Variants in ATE1 observed in about 807,000 individuals in gnomAD.
ATE1 encodes the protein arginyl-tRNA--protein transferase 1.
Under a neutral mutation model 70.5 loss-of-function variants are expected in ATE1, and 36 were observed. That is an observed-to-expected ratio of 0.51 (90% CI 0.39 to 0.67). The LOEUF is 0.67. Ranked by LOEUF, ATE1 falls within the 30% of genes least tolerant of loss-of-function variation. ATE1 has a pLI of 0.00. For missense variants in ATE1, 593 were observed against 629.5 expected, an observed-to-expected ratio of 0.94 and a Z score of 0.62; for synonymous variants, 232 against 219.3, an observed-to-expected ratio of 1.06 and a Z score of -0.51.
chr10:121,821,825 G>A (rs1947810689), intron 10 of ATE1, among the ~76,000 whole-genome samples: 2 of 152,182 alleles, frequency 1.3e-5, no homozygotes, highest in Non-Finnish European at 2.9e-5. Flanking sequence ...AGGATGCAGT[G>A]AGCTGAGACT....
chr10:121,776,602 C>A lies in ATE1; in HGVS notation c.1378+13567G>T, dbSNP rs146806374. ...TGTGAGTGGTCTTGGGCATGAAATT[C>A]ATGTAATGGGTTGTGACCAGCATTT... On this transcript the variant is annotated intron_variant, in intron 11 of 11. Transcript: ENST00000224652. Among the ~76,000 whole-genome samples the A allele has an allele frequency of 4.3e-3, 650 of 152,350 alleles. 6 individuals carry two copies. The highest frequency in any genetic ancestry group is 0.014 in the African/African-American group (601 of 41,572).
At chr10:121,767,121 T>C (rs1945309185) in intron 11 of ATE1, among the ~76,000 whole-genome samples, 1 of 152,146 alleles carries the variant, frequency 6.6e-6, no homozygotes, top group Non-Finnish European at 1.5e-5. Flanking sequence ...GCTGGTTCAG[T>C]ATTAAAGACC....
chr10:121,821,033 C>T (rs548466910), intron 10 of ATE1, among the ~76,000 whole-genome samples: 1 of 152,308 alleles, frequency 6.6e-6, no homozygotes, highest in South Asian at 2.1e-4. Flanking sequence ...CCTCCACCTC[C>T]CAGGTTCACG....
At chr10:121,851,797 C>T (rs1949066160) in intron 8 of ATE1, among the ~76,000 whole-genome samples, 1 of 152,182 alleles carries the variant, frequency 6.6e-6, no homozygotes, top group African/African-American at 2.4e-5. Context: ...AAGGATTTAG[C>T]TGATAACAAG....
intron 11 of ATE1, among the ~76,000 whole-genome samples, chr10:121,780,212 C>T (rs1259128243): frequency 1.3e-5 from 2 of 152,202 alleles, no homozygotes; most frequent in Non-Finnish European, 2.9e-5. Context: ...GAACTGAACT[C>T]ATCATTCTTC....
chr10:121,747,579 C>T (rs954432711), intron 11 of ATE1, among the ~76,000 whole-genome samples: 3 of 152,176 alleles, frequency 2.0e-5, no homozygotes, highest in African/African-American at 7.2e-5. Flanking sequence ...CAGTGTCTTC[C>T]TACTACTGCT....
chr10:121,804,895 G>A (rs926481756), intron 10 of ATE1, among the ~76,000 whole-genome samples: 13 of 152,190 alleles, frequency 8.5e-5, no homozygotes, highest in African/African-American at 2.9e-4. Context: ...TAGCCTCCAT[G>A]CTTACTAACT....
chr10:121,773,481 G>A (rs1248903740), intron 11 of ATE1, among the ~76,000 whole-genome samples: 1 of 152,184 alleles, frequency 6.6e-6, no homozygotes. Context: ...AGTTCTAACA[G>A]AGTTTGACAC....
chr10:121,910,221 C>G (rs1951365596), intron 5 of ATE1, among the ~76,000 whole-genome samples: 1 of 152,052 alleles, frequency 6.6e-6, no homozygotes, highest in African/African-American at 2.4e-5. Flanking sequence ...TAAAATAGTA[C>G]TAAAAATCTT....
intron 9 of ATE1, among the ~76,000 whole-genome samples, chr10:121,838,423 G>C (rs1016512215): frequency 6.6e-6 from 1 of 151,756 alleles, no homozygotes; most frequent in African/African-American, 2.4e-5. Context: ...CCCTACACCC[G>C]AGCCCAAAAG....
intron 11 of ATE1, among the ~76,000 whole-genome samples, chr10:121,755,827 A>G (rs1944776434): frequency 6.6e-6 from 1 of 152,216 alleles, no homozygotes; most frequent in Non-Finnish European, 1.5e-5. Context: ...ACACATGGGA[A>G]TTATGGGAGC....
At position 121,806,571 on chromosome 10, in the gene ATE1, A is replaced by G. The variant is rs139595840; in HGVS notation, c.1258-16282T>C. ...CAACTGGAAAATTTCAACATGAACT[A>G]TCTATTTGATGATATTACTGTAAGA... On this transcript the variant is annotated intron_variant, in intron 10 of 11. Transcript: ENST00000224652. Among the ~76,000 whole-genome samples the G allele has an allele frequency of 9.8e-5, 15 of 152,340 alleles. No homozygotes were observed. The East Asian group carries it at 2.3e-3, about 23-fold the overall frequency.
chr10:121,919,175 A>T (rs1243313335), intron 3 of ATE1, among the ~76,000 whole-genome samples: 1 of 151,946 alleles, frequency 6.6e-6, no homozygotes, highest in Non-Finnish European at 1.5e-5. Context: ...CTTCACAATA[A>T]ATCTTGCTGC....
intron 7 of ATE1, among the ~76,000 whole-genome samples, chr10:121,874,406 T>C (rs911659077): frequency 2.0e-4 from 31 of 152,206 alleles, no homozygotes; most frequent in African/African-American, 2.4e-5. Context: ...TATTGTTTCA[T>C]ATTTCATTGC....
At chr10:121,890,544 T>C (rs1465496698) in intron 7 of ATE1, among the ~76,000 whole-genome samples, 2 of 152,344 alleles carry the variant, frequency 1.3e-5, no homozygotes, top group East Asian at 1.9e-4. Context: ...TTATGTCTGA[T>C]AATGTTGATA....
At position 121,742,286 on chromosome 10, in the gene ATE1, A is replaced by AT. The variant is rs1350746720; in HGVS notation, c.*1393dup. The AT allele has an allele frequency of 1.3e-5, 2 of 152,204 alleles. No homozygotes were observed. Among genetic ancestry groups the AT allele is most frequent in the East Asian group, 3.8e-4 (2 of 5,202 alleles). 9.4% of individuals were successfully genotyped at this position (152,204 alleles called of 1,614,324 possible). A position where few individuals can be genotyped will look rare whatever the true frequency, so the allele number is the denominator to read the frequency against. ...TCTAGTTAGCTGAGGATATTTTCAAATTTTTGTCAAAATTCAGTACATTTT... is the reference window on the plus strand; with the variant it reads ...TCTAGTTAGCTGAGGATATTTTCAAATTTTTTGTCAAAATTCAGTACATTTT... On this transcript the variant is annotated 3_prime_UTR_variant, in exon 12 of 12. Transcript: ENST00000224652.
At chr10:121,883,105 A>C (rs1950275384) in intron 7 of ATE1, among the ~76,000 whole-genome samples, 1 of 152,166 alleles carries the variant, frequency 6.6e-6, no homozygotes, top group Non-Finnish European at 1.5e-5. Flanking sequence ...AACTTTACTA[A>C]CAATAAACTT....
chr10:121,868,804 C>G (rs1949750158), intron 8 of ATE1, among the ~76,000 whole-genome samples: 1 of 152,224 alleles, frequency 6.6e-6, no homozygotes, highest in Non-Finnish European at 1.5e-5. Flanking sequence ...ACTACCCTCT[C>G]TGGTCTGGTC....
intron 8 of ATE1, among the ~76,000 whole-genome samples, chr10:121,843,977 T>C (rs1426695431): frequency 5.9e-5 from 9 of 152,216 alleles, no homozygotes; most frequent in Non-Finnish European, 1.3e-4. Flanking sequence ...AAAAACATTG[T>C]TAAAATAAAA....
Sources: allele counts gnomAD v4.1 joint callset (sites outside exome capture counted in the v4.1 genomes callset), GRCh38; gene constraint gnomAD v4.1.1; transcripts MANE v1.5; gene names NCBI Gene and HGNC (gene_info 2026-07-23, HGNC 2026-07-21).